LUC7L2: variants seen among roughly 807,000 people sequenced by gnomAD.
LUC7L2 encodes putative RNA-binding protein Luc7-like 2.
LUC7L2 carries 25 observed loss-of-function variants against 52.8 expected under a neutral mutation model. The observed-to-expected ratio is 0.47, with a 90% CI of 0.34 to 0.66. The LOEUF (loss-of-function observed/expected upper bound fraction) is 0.66. Among genes scored for constraint, LUC7L2 ranks in the 30% least tolerant of loss-of-function variants. The pLI is 0.01. For synonymous variants in LUC7L2, 144 were observed against 160.9 expected, an observed-to-expected ratio of 0.89 and a Z score of 0.80; for missense variants, 328 against 497.8, an observed-to-expected ratio of 0.66 and a Z score of 3.25.
chr7:139,417,687 G>C lies in LUC7L2; in HGVS notation c.959G>C (p.Arg320Pro). The C allele has an allele frequency of 6.2e-7, 1 of 1,614,096 alleles. No homozygotes were observed. Among genetic ancestry groups the C allele is most frequent in the East Asian group, 2.2e-5 (1 of 44,872 alleles). Residue 320 changes from arginine (R) to proline (P), a missense_variant, in exon 9 of 10, where the codon CGG becomes CCG. Arg to Pro is a moderately radical substitution (Grantham distance 103). This residue lies in a region of LUC7L2 where 195 missense variants were observed against 223.3 expected (regional missense o/e 0.87). Coordinates refer to ENST00000354926, the MANE Select transcript of LUC7L2 (RefSeq NM_016019.5). Reference protein sequence around the residue: ...RSRSRSHQRSRHSSRDRSRER... With the variant: ...RSRSRSHQRSPHSSRDRSRER... ...CGCAGCCGTAGCCACCAGAGAAGTC[G>C]GCACAGTTCTAGAGATAGGAGCAGA...
At chr7:139,386,672 C>A (rs1010455549) in intron 2 of LUC7L2, among the ~76,000 whole-genome samples, 153 of 152,166 alleles carry the variant, frequency 1.0e-3, no homozygotes, top group African/African-American at 3.6e-3. Context: ...TCCCAAAGTG[C>A]TGGGATTACA....
At chr7:139,422,125 TC>T (rs1569399308) in intron 9 of LUC7L2, 37 bp from the exon 10 acceptor site, 1 of 1,565,222 alleles carries the variant, frequency 6.4e-7, no homozygotes, top group Non-Finnish European at 8.6e-7. Context: ...TTTTTGGGTT[TC>T]CCAACATATT....
chr7:139,395,894 C>T (rs1794640575), intron 2 of LUC7L2, among the ~76,000 whole-genome samples: 2 of 152,166 alleles, frequency 1.3e-5, no homozygotes, highest in South Asian at 4.1e-4. Context: ...GTGATCCTCC[C>T]ACCTTGGCCC....
At chr7:139,404,739 G>T (rs1795048725) in intron 4 of LUC7L2, among the ~76,000 whole-genome samples, 1 of 152,198 alleles carries the variant, frequency 6.6e-6, no homozygotes, top group South Asian at 2.1e-4. Flanking sequence ...TCATAGAGTG[G>T]AGTTGCCAGG....
rs765376474 is a variant in LUC7L2 at position 139,417,654 on chromosome 7, G to A, written c.926G>A (p.Ser309Asn). Residue 309 changes from serine to asparagine, a missense_variant, in exon 9 of 10, where the codon AGC becomes AAC. Physicochemically the swap from Ser to Asn is conservative, Grantham distance 46. Coordinates refer to ENST00000354926, the MANE Select transcript of LUC7L2 (RefSeq NM_016019.5). ...KRHRHRSRSS[S>N]RSRSRSHQRS... is the part of the protein sequence containing the mutation. ...CATCGCCACAGGTCCCGCTCCAGCA[G>A]CCGTAGCCGCAGCCGTAGCCACCAG... 6.8e-6 allele frequency: 11 copies of A among 1,613,916 alleles called. No individual in the cohort carries two copies. The highest frequency in any genetic ancestry group is 1.3e-5 in the African/African-American group (1 of 74,910).
intron 1 of LUC7L2, chr7:139,345,371 A>G (rs1799221544): frequency 7.4e-7 from 1 of 1,358,178 alleles, no homozygotes; most frequent in South Asian, 1.4e-5. Context: ...GTATACATGT[A>G]TATACATACA....
chr7:139,387,472 G>A (rs1041295017), intron 2 of LUC7L2, among the ~76,000 whole-genome samples: 1 of 152,166 alleles, frequency 6.6e-6, no homozygotes, highest in Admixed American at 6.5e-5. Flanking sequence ...GAGCCACTGC[G>A]CCTGGCTGAA....
intron 9 of LUC7L2, among the ~76,000 whole-genome samples, chr7:139,419,903 C>G (rs1370091186): frequency 2.6e-5 from 4 of 152,132 alleles, no homozygotes; most frequent in Non-Finnish European, 5.9e-5. Context: ...TAAAAATTAC[C>G]AGATAATTGC....
intron 9 of LUC7L2, among the ~76,000 whole-genome samples, chr7:139,419,623 A>C (rs986756045): frequency 1.1e-4 from 17 of 152,128 alleles, no homozygotes; most frequent in African/African-American, 3.9e-4. Flanking sequence ...TGAACTCCTA[A>C]ATGTCTTTAT....
chr7:139,367,504 CT>C lies in LUC7L2; in HGVS notation c.61+7189del, dbSNP rs1196446736. Among the ~76,000 whole-genome samples, 7 of 152,208 alleles carry C rather than the reference CT, an allele frequency of 4.6e-5. 1 individual carries two copies. In the South Asian group the frequency reaches 1.2e-3, roughly 27 times the overall value. ...AACAAGTACTGTTGCAAAATGGGAA[CT>C]TTTTTTCTTGACTTAATTGTGATTA... is the stretch of plus-strand genomic sequence containing the variant. On this transcript the variant is annotated intron_variant, in intron 1 of 9. Transcript: ENST00000354926.
intron 2 of LUC7L2, among the ~76,000 whole-genome samples, chr7:139,389,936 G>T (rs915294780): frequency 2.6e-5 from 4 of 152,132 alleles, no homozygotes; most frequent in Admixed American, 2.6e-4. Context: ...TTCAGCTGGC[G>T]CAGGCAGGAT....
rs899647230 is a variant in LUC7L2 at position 139,402,632 on chromosome 7, C to T, written c.366+385C>T. ...ATCTCTGCCTTCTGGGCTCAAGTCTCGTGCCTCAGCCTTCTGAGTAACTGG... is the reference window on the plus strand; with the variant it reads ...ATCTCTGCCTTCTGGGCTCAAGTCTTGTGCCTCAGCCTTCTGAGTAACTGG... On this transcript the variant is annotated intron_variant, in intron 4 of 9. Transcript: ENST00000354926. Among the ~76,000 whole-genome samples the T allele has an allele frequency of 3.3e-5, 5 of 152,302 alleles. No homozygotes were observed. In the South Asian group the frequency reaches 6.2e-4, roughly 19 times the overall value.
rs1794765498 is a variant in LUC7L2 at position 139,398,625 on chromosome 7, A to G, written c.183A>G (p.Lys61=). ...GTRMDLGECL[K]VHDLALRADY... ...GAATGGATCTTGGAGAATGTCTGAA[A>G]GTCCATGACCTGGCTTTAAGAGCGG... The change falls in exon 3 of 10, where the codon AAA becomes AAG. Residue 61 remains lysine, a synonymous_variant. Coordinates refer to ENST00000354926, the MANE Select transcript of LUC7L2 (RefSeq NM_016019.5). The G allele has an allele frequency of 1.9e-6, 3 of 1,611,514 alleles. No individual in the cohort carries two copies. Among genetic ancestry groups the G allele is most frequent in the African/African-American group, 1.3e-5 (1 of 74,832 alleles).
chr7:139,341,183 T>G, intron 1 of LUC7L2: 1 of 845,100 alleles, frequency 1.2e-6, no homozygotes, highest in East Asian at 3.1e-5. Context: ...AACAGTCGGG[T>G]TTCGTTTGAT....
chr7:139,421,995 TTATCAAC>T (rs1795929962), intron 9 of LUC7L2, among the ~76,000 whole-genome samples, 161 bp from the exon 10 acceptor site: 1 of 152,240 alleles, frequency 6.6e-6, no homozygotes, highest in East Asian at 1.9e-4. Context: ...TTTAATGCCC[TTATCAAC>T]TATGGTAGTG....
intron 2 of LUC7L2, among the ~76,000 whole-genome samples, chr7:139,392,158 T>TA (rs1444224288): frequency 2.0e-5 from 3 of 152,188 alleles, no homozygotes; most frequent in Non-Finnish European, 4.4e-5. Context: ...TCTTCTTGTA[T>TA]AAAAAACAAC....
chr7:139,374,673 A>C, intron 1 of LUC7L2: 1 of 1,312,220 alleles, frequency 7.6e-7, no homozygotes, highest in Non-Finnish European at 9.7e-7. Flanking sequence ...TGAAGCTATC[A>C]TTTTAACTAT....
At position 139,360,175 on chromosome 7, in the gene LUC7L2, C is replaced by T. The variant is rs1032237089; in HGVS notation, c.-87C>T. The T allele has an allele frequency of 1.5e-5, 16 of 1,032,922 alleles. No individual in the cohort carries two copies. Among genetic ancestry groups the T allele is most frequent in the East Asian group, 2.8e-5 (1 of 35,692 alleles). 64.0% of individuals were successfully genotyped at this position (1,032,922 alleles called of 1,614,324 possible). A position where few individuals can be genotyped will look rare whatever the true frequency, so the allele number is the denominator to read the frequency against. ...GGCGGCCACCGAGACAGCAGCGCAC[C>T]TTCCCCCATCCCTTCCCCTTATCCC... On this transcript the variant is annotated 5_prime_UTR_variant, in exon 1 of 10. Transcript: ENST00000354926.
Position 139,413,615 on chromosome 7 carries a change from T to C in LUC7L2, c.809+1035T>C, listed in dbSNP as rs542513725. 3.3e-5 allele frequency among the ~76,000 whole-genome samples: 5 copies of C among 152,184 alleles called. No homozygotes were observed. In the South Asian group the frequency reaches 1.0e-3, roughly 32 times the overall value. On this transcript the variant is annotated intron_variant, in intron 8 of 9. Transcript: ENST00000354926. Reference sequence around the variant, plus strand: ...CAACATGGCGAAACTCCATCTCTACTAAAAACACAAAAATTAGCCGGGTGT... The same window carrying C: ...CAACATGGCGAAACTCCATCTCTACCAAAAACACAAAAATTAGCCGGGTGT...
Sources: gnomAD v4.1 joint callset for allele counts (sites outside exome capture counted in the v4.1 genomes callset) on GRCh38, gnomAD v4.1.1 for gene constraint, gnomAD v4.1.1 regional missense constraint, MANE v1.5 for transcripts, NCBI Gene and HGNC (gene_info 2026-07-23, HGNC 2026-07-21) for gene names.